The following ITGA3 variants were observed in gnomAD, a reference collection of about 807,000 sequenced individuals.
ITGA3 encodes integrin subunit alpha 3, also known as integrin alpha-3.
In ITGA3, 70 loss-of-function variants were observed where a neutral mutation model predicts 131.1. That is an observed-to-expected ratio of 0.53 (90% CI 0.44 to 0.65). The LOEUF is 0.65. ITGA3 is among the 30% of genes least tolerant of loss of function. ITGA3 has a pLI of 0.00. For synonymous variants in ITGA3, 537 were observed against 571.6 expected (o/e 0.94, Z 0.86); for missense variants, 1,098 against 1,388.6 (o/e 0.79, Z 3.33).
rs1429937403 is a variant in ITGA3 at position 50,064,632 on chromosome 17, C to A, written c.414+25C>A. 6.3e-7 allele frequency: 1 copy of A among 1,593,110 alleles called. No homozygotes were observed. Among genetic ancestry groups the A allele is most frequent in the South Asian group, 1.1e-5 (1 of 88,036 alleles). ...GGTAAGTGGGTGCTCAGTGTTGGCTCCTCCACCTCTACCCGGCTCTCCCCT... is the reference window on the plus strand; with the variant it reads ...GGTAAGTGGGTGCTCAGTGTTGGCTACTCCACCTCTACCCGGCTCTCCCCT... On this transcript the variant is annotated intron_variant, in intron 3 of 25. Transcript: ENST00000320031. The surrounding 1 kb of genome is among the most constrained non-coding windows in gnomAD (Gnocchi z 4.4).
intron 5 of ITGA3, 68 bp from the exon 6 acceptor site, chr17:50,071,243 G>T: frequency 7.3e-7 from 1 of 1,368,262 alleles, no homozygotes. Context: ...GGAATAGGGA[G>T]ATGGGTCCAG....
chr17:50,083,872 A>T (rs1268485447), intron 23 of ITGA3, among the ~76,000 whole-genome samples: 1 of 152,140 alleles, frequency 6.6e-6, no homozygotes, highest in African/African-American at 2.4e-5. Flanking sequence ...ACAAATGTTC[A>T]TCTTGCTCAT....
At chr17:50,078,024 G>A in intron 16 of ITGA3, 22 bp from the exon 17 acceptor site, 1 of 1,597,044 alleles carries the variant, frequency 6.3e-7, no homozygotes, top group South Asian at 1.1e-5. Context: ...GCCACTCTCT[G>A]CCTCCCTGAC....
chr17:50,078,375 C>T, intron 18 of ITGA3, 91 bp downstream of exon 18: 5 of 1,053,766 alleles, frequency 4.7e-6, no homozygotes, highest in Non-Finnish European at 7.2e-6. Context: ...CTCCTCTGAC[C>T]CCTCTCTTGG....
chr17:50,057,314 T>G (rs9892295), intron 1 of ITGA3, among the ~76,000 whole-genome samples: 30,092 of 152,214 alleles, frequency 0.2, 3,956 homozygotes, highest in East Asian at 0.39. Context: ...GCAGACATCT[T>G]CCCTGCATTC....
intron 23 of ITGA3, among the ~76,000 whole-genome samples, chr17:50,084,590 A>G (rs1909309537): frequency 6.6e-6 from 1 of 152,186 alleles, no homozygotes; most frequent in South Asian, 2.1e-4. Flanking sequence ...ATCTTTACCA[A>G]TTGACGTGAA....
At position 50,080,243 on chromosome 17, in the gene ITGA3, C is replaced by T. The variant is rs1038352236; in HGVS notation, c.2707-19C>T. 5.5e-6 allele frequency: 8 copies of T among 1,457,326 alleles called. No homozygotes were observed. The East Asian group carries it at 6.9e-5, about 13-fold the overall frequency. The allele number at this position is 1,457,326 out of a possible 1,614,324, so 90.3% of individuals were successfully genotyped here. On this transcript the variant is annotated intron_variant, in intron 21 of 25. Transcript: ENST00000320031. ...GAGACTCAGACTATGTCACGTCTTG[C>T]GTTCCCTGCCCGCCTCAGACCTGTG... is the stretch of plus-strand genomic sequence containing the variant.
intron 12 of ITGA3, 85 bp downstream of exon 12, chr17:50,075,820 C>G: frequency 7.0e-7 from 1 of 1,421,974 alleles, no homozygotes; most frequent in South Asian, 1.2e-5. Flanking sequence ...GGGTGAGGGA[C>G]GGGGGTCTCC....
Position 50,077,384 on chromosome 17 carries a change from G to T in ITGA3, c.2076G>T (p.Gly692=). Residue 692 remains glycine (G), a synonymous_variant, in exon 16 of 26, where the codon GGG becomes GGT. Transcript: ENST00000320031. ...ALLLSSVRPP[G]ACQANETIFC... The stretch of plus-strand genomic sequence containing the variant: ...TATTCGCCTTCTTTCCTCAGCCCGG[G>T]GCCTGCCAAGCTAATGAGACCATCT... 2 of 1,613,928 alleles carry T rather than the reference G, an allele frequency of 1.2e-6. No homozygotes were observed. The highest frequency in any genetic ancestry group is 1.7e-6 in the Non-Finnish European group (2 of 1,179,868).
intron 4 of ITGA3, among the ~76,000 whole-genome samples, chr17:50,069,155 T>C (rs1233741122): frequency 6.6e-6 from 1 of 152,094 alleles, no homozygotes; most frequent in Non-Finnish European, 1.5e-5. Context: ...GCCTAATCAT[T>C]CTTAAAATAC....
intron 12 of ITGA3, 118 bp from the exon 13 acceptor site, chr17:50,076,208 G>T (rs1908881655): frequency 8.5e-7 from 1 of 1,173,150 alleles, no homozygotes; most frequent in East Asian, 2.5e-5. Flanking sequence ...CAGCCTAACT[G>T]TCAGGTTTTC....
intron 1 of ITGA3, among the ~76,000 whole-genome samples, chr17:50,059,978 G>A (rs749010185): frequency 4.6e-5 from 7 of 152,140 alleles, no homozygotes; most frequent in African/African-American, 7.2e-5. Flanking sequence ...GAGGGGGCTG[G>A]GTGGGCAGCA....
chr17:50,076,327 A>C lies in ITGA3; in HGVS notation c.1676A>C (p.Asp559Ala). The change falls in exon 13 of 26, where the codon GAC (aspartate) becomes GCC (alanine). Residue 559 changes from aspartate (D) to alanine (A), a missense_variant and splice_region_variant. This residue lies in a region of ITGA3 where 699 missense variants were observed against 829.2 expected (regional missense o/e 0.84). Transcript: ENST00000320031. ...RCQKLELLLM[D>A]NLRDKLRPII... ...GCTCAGCTCACCCTCTCTCCCCAGGACAACCTCCGTGACAAACTCCGCCCC... is the reference window on the plus strand; with the variant it reads ...GCTCAGCTCACCCTCTCTCCCCAGGCCAACCTCCGTGACAAACTCCGCCCC... 2 of 1,613,204 alleles carry C rather than the reference A, an allele frequency of 1.2e-6. No individual in the cohort carries two copies. The highest frequency in any genetic ancestry group is 1.7e-6 in the Non-Finnish European group (2 of 1,179,764).
Position 50,077,058 on chromosome 17 carries a change from C to G in ITGA3, c.2007C>G (p.Asp669Glu). 1.2e-6 allele frequency: 2 copies of G among 1,604,108 alleles called. No individual in the cohort carries two copies. Among genetic ancestry groups the G allele is most frequent in the Non-Finnish European group, 1.7e-6 (2 of 1,174,724 alleles). The change falls in exon 15 of 26, where the codon GAC becomes GAG. Residue 669 changes from aspartate to glutamate, a missense_variant. Asp to Glu is a conservative substitution (Grantham distance 45). Coordinates refer to ENST00000320031, the MANE Select transcript of ITGA3 (RefSeq NM_002204.4). The part of the protein sequence containing the change: ...NTRTSERSGE[D>E]AHEALLTLVV... ...GGACCTCGGAGCGCTCCGGGGAGGA[C>G]GCCCACGAGGCGCTGCTCACCCTGG...
Position 50,081,295 on chromosome 17 carries a change from C to G in ITGA3, c.2821-15C>G. On this transcript the variant is annotated splice_polypyrimidine_tract_variant and intron_variant, in intron 22 of 25. Coordinates refer to ENST00000320031, the MANE Select transcript of ITGA3 (RefSeq NM_002204.4). ...TGTCAAGTGTTCCCCTTGACCCACC[C>G]CACTCCCAATCCAGGATTACAGAGA... 1 of 1,549,694 alleles carries G rather than the reference C, an allele frequency of 6.5e-7. No homozygotes were observed. Among genetic ancestry groups the G allele is most frequent in the Non-Finnish European group, 8.8e-7 (1 of 1,137,194 alleles).
intron 3 of ITGA3, chr17:50,065,201 G>A (rs1024290334): frequency 6.6e-6 from 1 of 152,294 alleles, no homozygotes; most frequent in Non-Finnish European, 1.5e-5. Context: ...TTCACACACA[G>A]AAGAGTTCTG....
intron 23 of ITGA3, among the ~76,000 whole-genome samples, chr17:50,084,596 G>A (rs933823972): frequency 1.4e-4 from 22 of 152,098 alleles, no homozygotes; most frequent in African/African-American, 4.8e-4. Context: ...ACCAATTGAC[G>A]TGAAAAGATG....
At chr17:50,087,960 C>T in intron 24 of ITGA3, 91 bp downstream of exon 24, 3 of 1,444,094 alleles carry the variant, frequency 2.1e-6, no homozygotes, top group South Asian at 2.7e-5. Context: ...CCTGGTCCTC[C>T]CTTCCATCTC....
chr17:50,077,275 G>A (rs929976764), intron 15 of ITGA3, 104 bp from the exon 16 acceptor site: 6 of 1,330,926 alleles, frequency 4.5e-6, no homozygotes, highest in Non-Finnish European at 6.4e-6. Context: ...GCTGCTTGGA[G>A]AATCCGGCTC....
Sources: allele counts gnomAD v4.1 joint callset (sites outside exome capture counted in the v4.1 genomes callset), GRCh38; gene constraint gnomAD v4.1.1; regional missense constraint gnomAD v4.1.1; non-coding constraint Gnocchi (gnomAD v3.1); transcripts MANE v1.5; gene names NCBI Gene and HGNC (gene_info 2026-07-23, HGNC 2026-07-21).